Variants in SMAD1 observed in about 807,000 individuals in gnomAD.
The protein encoded by SMAD1 is SMAD family member 1.
Under a neutral mutation model 41.6 loss-of-function variants are expected in SMAD1, and 6 were observed. The observed-to-expected ratio is 0.14, with a 90% CI of 0.08 to 0.28. The LOEUF (loss-of-function observed/expected upper bound fraction) is 0.28, where lower values mean the gene tolerates loss of function less well. SMAD1 is among the 10% of genes least tolerant of loss of function. The probability of loss-of-function intolerance (pLI) is 1.00; values close to 1 mark genes in which losing one functional copy is unlikely to be tolerated. For missense variants in SMAD1, 379 were observed against 582.6 expected, an observed-to-expected ratio of 0.65 and a Z score of 3.60; for synonymous variants, 206 against 203.2, an observed-to-expected ratio of 1.01 and a Z score of -0.12.
chr4:145,503,199 G>C (rs1393117874), intron 1 of SMAD1, among the ~76,000 whole-genome samples: 3 of 152,130 alleles, frequency 2.0e-5, no homozygotes, highest in Non-Finnish European at 4.4e-5. Context: ...TGAATAGTAA[G>C]AGGCTCAGTA....
Position 145,514,014 on chromosome 4 carries a change from A to G in SMAD1, c.-176-424A>G, listed in dbSNP as rs1210900471. 6.6e-6 allele frequency among the ~76,000 whole-genome samples: 1 copy of G among 152,214 alleles called. No individual in the cohort carries two copies. The highest frequency in any genetic ancestry group is 6.5e-5 in the Admixed American group (1 of 15,282). On this transcript the variant is annotated intron_variant, in intron 1 of 6. Coordinates refer to ENST00000302085, the MANE Select transcript of SMAD1 (RefSeq NM_005900.3). The surrounding 1 kb of genome is among the most constrained non-coding windows in gnomAD (Gnocchi z 4.7). ...TCATAGACTGGGTGGCTTAAATAAC[A>G]GAAATAGATTTTCTCTTTGTTCTGG...
chr4:145,502,384 G>A (rs565068070), intron 1 of SMAD1, among the ~76,000 whole-genome samples: 28 of 152,334 alleles, frequency 1.8e-4, no homozygotes, highest in African/African-American at 6.5e-4. Context: ...ATGGCAAGAA[G>A]ATATAGAAAA....
chr4:145,509,547 A>G (rs888977633), intron 1 of SMAD1, among the ~76,000 whole-genome samples: 2 of 152,164 alleles, frequency 1.3e-5, no homozygotes, highest in African/African-American at 4.8e-5. Flanking sequence ...AAACTTAGCC[A>G]TTCTGTTTAA....
intron 1 of SMAD1, among the ~76,000 whole-genome samples, chr4:145,500,579 G>C (rs1729374258): frequency 1.3e-5 from 2 of 152,152 alleles, no homozygotes; most frequent in African/African-American, 4.8e-5. Context: ...CCACCAGAAT[G>C]TAGGCCCCAC....
chr4:145,515,555 G>A (rs1464815884), intron 2 of SMAD1, among the ~76,000 whole-genome samples: 1 of 152,094 alleles, frequency 6.6e-6, no homozygotes, highest in African/African-American at 2.4e-5. Flanking sequence ...ATTTCCTATG[G>A]TGAATATGAA....
intron 4 of SMAD1, 39 bp downstream of exon 4, chr4:145,542,737 A>G: frequency 7.3e-7 from 1 of 1,366,974 alleles, no homozygotes; most frequent in Non-Finnish European, 1.0e-6. Context: ...TTTAGAGTCT[A>G]AAGTTTGTCC....
intron 2 of SMAD1, among the ~76,000 whole-genome samples, chr4:145,519,356 A>G (rs1354130608): frequency 6.6e-6 from 1 of 151,638 alleles, no homozygotes; most frequent in African/African-American, 2.4e-5. Flanking sequence ...TTGGCCTCCC[A>G]AAGTGCTGGG....
chr4:145,544,234 T>G (rs1732117976), intron 4 of SMAD1: 2 of 152,118 alleles, frequency 1.3e-5, no homozygotes, highest in South Asian at 2.1e-4. Context: ...TCACTCTGTC[T>G]TATACTCAGT....
intron 2 of SMAD1, among the ~76,000 whole-genome samples, chr4:145,526,986 A>G (rs1365051478): frequency 6.6e-6 from 1 of 152,168 alleles, no homozygotes; most frequent in Non-Finnish European, 1.5e-5. Flanking sequence ...AAAAGGCTTT[A>G]TGTACTAATG....
intron 3 of SMAD1, among the ~76,000 whole-genome samples, chr4:145,541,741 C>T (rs375227119): frequency 7.9e-5 from 12 of 152,194 alleles, no homozygotes; most frequent in African/African-American, 2.9e-4. Context: ...TCCAAACATT[C>T]ACGATTCCCT....
chr4:145,553,623 C>T (rs1051772089), intron 5 of SMAD1, among the ~76,000 whole-genome samples, 161 bp from the exon 6 acceptor site: 3 of 152,110 alleles, frequency 2.0e-5, no homozygotes, highest in African/African-American at 4.8e-5. Flanking sequence ...TCCATGGCCC[C>T]GGGGGTTGGG....
Position 145,489,907 on chromosome 4 carries a change from G to C in SMAD1, c.-177+7869G>C, listed in dbSNP as rs553816844. ...AAGTAGACTGCCTGAGAGGCTGTTTGACATAGACCAAAGAAGAAACTGGAA... is the reference window on the plus strand; with the variant it reads ...AAGTAGACTGCCTGAGAGGCTGTTTCACATAGACCAAAGAAGAAACTGGAA... On this transcript the variant is annotated intron_variant, in intron 1 of 6. Coordinates refer to ENST00000302085, the MANE Select transcript of SMAD1 (RefSeq NM_005900.3). 2.6e-5 allele frequency among the ~76,000 whole-genome samples: 4 copies of C among 152,158 alleles called. No individual in the cohort carries two copies. In the South Asian group the frequency reaches 8.3e-4, roughly 32 times the overall value.
intron 1 of SMAD1, among the ~76,000 whole-genome samples, chr4:145,502,465 C>A (rs932638878): frequency 2.0e-5 from 3 of 152,166 alleles, no homozygotes; most frequent in Non-Finnish European, 4.4e-5. Context: ...AAGTAATCAT[C>A]TAATCAGACA....
rs557014641 is a variant in SMAD1, at chr4:145,501,040, T to C, written c.-176-13398T>C. Among the ~76,000 whole-genome samples the C allele has an allele frequency of 2.0e-5, 3 of 152,366 alleles. No individual in the cohort carries two copies. The South Asian group carries it at 6.2e-4, about 32-fold the overall frequency. ...ATTCAAGTTAAGGACACTTGTTTTC[T>C]AATTTAGAAACCATCTTAAAATGAC... On this transcript the variant is annotated intron_variant, in intron 1 of 6. Transcript: ENST00000302085.
intron 1 of SMAD1, among the ~76,000 whole-genome samples, chr4:145,493,995 C>A (rs1024180606): frequency 6.6e-6 from 1 of 151,976 alleles, no homozygotes; most frequent in Non-Finnish European, 1.5e-5. Flanking sequence ...AGAGTCTCAC[C>A]CTGTCGCCCA....
intron 1 of SMAD1, among the ~76,000 whole-genome samples, chr4:145,513,739 G>T (rs570695273): frequency 1.2e-3 from 182 of 152,258 alleles, no homozygotes; most frequent in African/African-American, 4.0e-3. Flanking sequence ...GTTGATTGAG[G>T]TGTTTTGAAA....
rs1730245430 is a variant in SMAD1, at chr4:145,514,128, G to T, written c.-176-310G>T. 6.6e-6 allele frequency among the ~76,000 whole-genome samples: 1 copy of T among 152,146 alleles called. No individual in the cohort carries two copies. The highest frequency in any genetic ancestry group is 2.4e-5 in the African/African-American group (1 of 41,426). On this transcript the variant is annotated intron_variant, in intron 1 of 6. Transcript: ENST00000302085. This position sits in a 1 kb window ranked among gnomAD's most constrained non-coding sequence, Gnocchi z 4.7. ...GCTTGCAGATGATCACCTTCTTGCA[G>T]TACCCTCAGTGTGTGTGCATAGAGG...
At chr4:145,519,455 C>T (rs555781161) in intron 2 of SMAD1, among the ~76,000 whole-genome samples, 3 of 151,608 alleles carry the variant, frequency 2.0e-5, no homozygotes, top group Admixed American at 2.0e-4. Context: ...AAAATCCACC[C>T]CTAGCCTAAG....
intron 5 of SMAD1, 109 bp from the exon 6 acceptor site, chr4:145,553,675 G>A (rs894914506): frequency 2.9e-6 from 3 of 1,025,678 alleles, no homozygotes; most frequent in Non-Finnish European, 2.9e-6. Flanking sequence ...TAGCTAACTA[G>A]CCAAAGTTTA....
Sources: gnomAD v4.1 joint callset for allele counts (sites outside exome capture counted in the v4.1 genomes callset) on GRCh38, gnomAD v4.1.1 for gene constraint, Gnocchi (gnomAD v3.1) non-coding constraint, MANE v1.5 for transcripts, NCBI Gene and HGNC (gene_info 2026-07-23, HGNC 2026-07-21) for gene names.